Variants in CNTN3 observed in about 807,000 individuals in gnomAD.
CNTN3 encodes contactin-3.
A neutral mutation model predicts 119.1 loss-of-function variants in CNTN3; 60 were observed. The ratio of observed to expected loss-of-function variants is 0.50; its 90% CI spans 0.41 to 0.62. CNTN3 has a LOEUF of 0.62. Ranked by LOEUF, CNTN3 falls within the 20% of genes least tolerant of loss-of-function variation. CNTN3 has a pLI of 0.00. For missense variants in CNTN3, 1,101 were observed against 1,242.4 expected (o/e 0.89, Z 1.71); for synonymous variants, 450 against 438.7 (o/e 1.03, Z -0.32).
At chr3:74,353,103 G>C (rs1343282339) in intron 11 of CNTN3, among the ~76,000 whole-genome samples, 3 of 152,080 alleles carry the variant, frequency 2.0e-5, no homozygotes, top group Non-Finnish European at 4.4e-5. Context: ...GATGGAGAGA[G>C]ACACATTCCT....
chr3:74,596,954 A>G (rs1218599068), intron 1 of CNTN3, among the ~76,000 whole-genome samples: 1 of 152,100 alleles, frequency 6.6e-6, no homozygotes, highest in Non-Finnish European at 1.5e-5. Flanking sequence ...GTTACCTTCC[A>G]GTGAAGTATG....
chr3:74,524,869 G>A (rs1453691182), intron 1 of CNTN3, among the ~76,000 whole-genome samples: 1 of 151,774 alleles, frequency 6.6e-6, no homozygotes, highest in East Asian at 2.0e-4. Flanking sequence ...AAGGCCCTGT[G>A]GCTTAGGTGC....
At chr3:74,346,387 A>ATT (rs1467530581) in intron 11 of CNTN3, among the ~76,000 whole-genome samples, 2 of 151,876 alleles carry the variant, frequency 1.3e-5, no homozygotes, top group East Asian at 1.9e-4. Context: ...TTCCTTCTCA[A>ATT]TTATATATAT....
intron 1 of CNTN3, among the ~76,000 whole-genome samples, chr3:74,577,704 T>C (rs935609974): frequency 2.0e-5 from 3 of 152,106 alleles, no homozygotes; most frequent in African/African-American, 7.2e-5. Flanking sequence ...AAAATAATCA[T>C]GATAATATGG....
intron 1 of CNTN3, among the ~76,000 whole-genome samples, chr3:74,605,009 T>C (rs1704968077): frequency 6.6e-6 from 1 of 152,166 alleles, no homozygotes. Flanking sequence ...TGGATGAATT[T>C]GAAGGACATT....
chr3:74,508,053 A>G (rs1703296528), intron 2 of CNTN3, among the ~76,000 whole-genome samples: 1 of 152,190 alleles, frequency 6.6e-6, no homozygotes, highest in South Asian at 2.1e-4. Flanking sequence ...AGGATAACTG[A>G]TATGAGTAGG....
rs149209060 is a variant in CNTN3, at chr3:74,530,652, G to A, written c.-80-9460C>T. ...ATGTTAGGGGCACAGAATACATGACGTTTCCTGTGCGCCAGACACACAGGG... is the reference window on the plus strand; with the variant it reads ...ATGTTAGGGGCACAGAATACATGACATTTCCTGTGCGCCAGACACACAGGG... On this transcript the variant is annotated intron_variant, in intron 1 of 22. Coordinates refer to ENST00000263665, the MANE Select transcript of CNTN3 (RefSeq NM_020872.3). Among the ~76,000 whole-genome samples the A allele has an allele frequency of 3.6e-4, 55 of 152,020 alleles. 1 individual carries two copies. Among genetic ancestry groups the A allele is most frequent in the African/African-American group, 9.6e-4 (40 of 41,532 alleles).
At chr3:74,304,657 T>C (rs1167386982) in intron 13 of CNTN3, among the ~76,000 whole-genome samples, 3 of 152,320 alleles carry the variant, frequency 2.0e-5, no homozygotes, top group African/African-American at 4.8e-5. Flanking sequence ...TGGTGGACTT[T>C]TGACTTCTGT....
chr3:74,570,876 G>C (rs967993880), intron 1 of CNTN3, among the ~76,000 whole-genome samples: 1 of 152,158 alleles, frequency 6.6e-6, no homozygotes, highest in African/African-American at 2.4e-5. Context: ...TTTGACTGTA[G>C]AATTTAATTC....
chr3:74,294,177 A>G (rs1702288635), intron 19 of CNTN3, among the ~76,000 whole-genome samples: 1 of 152,158 alleles, frequency 6.6e-6, no homozygotes, highest in Non-Finnish European at 1.5e-5. Context: ...GGGAAGCTTC[A>G]TAAGAAGACA....
intron 5 of CNTN3, among the ~76,000 whole-genome samples, chr3:74,397,667 AAC>A (rs1471505914): frequency 6.6e-6 from 1 of 152,174 alleles, no homozygotes; most frequent in Non-Finnish European, 1.5e-5. Context: ...ATATTTAAGA[AAC>A]ACATTTTTCA....
intron 11 of CNTN3, among the ~76,000 whole-genome samples, chr3:74,348,913 C>T (rs997398987): frequency 6.6e-6 from 1 of 151,706 alleles, no homozygotes; most frequent in South Asian, 2.1e-4. Context: ...GAGACCCCAT[C>T]TCTATAAAAA....
intron 1 of CNTN3, among the ~76,000 whole-genome samples, chr3:74,525,788 C>A (rs1446128914): frequency 6.6e-6 from 1 of 151,794 alleles, no homozygotes; most frequent in Non-Finnish European, 1.5e-5. Flanking sequence ...AAATGCTAGA[C>A]CTTGGACTCA....
intron 1 of CNTN3, among the ~76,000 whole-genome samples, chr3:74,587,415 A>C (rs1347112119): frequency 1.3e-5 from 2 of 151,964 alleles, no homozygotes. Context: ...ACAACTTATC[A>C]TGTTCCCTTT....
chr3:74,455,418 A>G (rs1313244321), intron 4 of CNTN3, among the ~76,000 whole-genome samples: 1 of 151,802 alleles, frequency 6.6e-6, no homozygotes, highest in Non-Finnish European at 1.5e-5. Flanking sequence ...ATTTTTTTCA[A>G]AGTTTTTAAC....
intron 1 of CNTN3, among the ~76,000 whole-genome samples, chr3:74,604,577 C>T (rs1274448955): frequency 1.3e-5 from 2 of 152,116 alleles, no homozygotes; most frequent in Non-Finnish European, 2.9e-5. Flanking sequence ...CCTCACCAAT[C>T]ATCCAAGAAA....
intron 2 of CNTN3, among the ~76,000 whole-genome samples, chr3:74,512,787 T>A (rs1338485078): frequency 6.6e-6 from 1 of 150,680 alleles, no homozygotes; most frequent in Non-Finnish European, 1.5e-5. Flanking sequence ...AAAAAATAGA[T>A]GTTCACTCAG....
chr3:74,274,022 C>A (rs1036196324), intron 20 of CNTN3, among the ~76,000 whole-genome samples: 3 of 152,016 alleles, frequency 2.0e-5, no homozygotes, highest in African/African-American at 7.2e-5. Flanking sequence ...CTGAGTAAGG[C>A]CTGTGACTGC....
At chr3:74,598,928 C>T (rs565813577) in intron 1 of CNTN3, among the ~76,000 whole-genome samples, 19 of 151,878 alleles carry the variant, frequency 1.3e-4, no homozygotes, top group Non-Finnish European at 2.1e-4. Context: ...GCTATCATAA[C>T]AAAGAGTTAA....
Sources: allele counts gnomAD v4.1 joint callset (sites outside exome capture counted in the v4.1 genomes callset), GRCh38; gene constraint gnomAD v4.1.1; transcripts MANE v1.5; gene names NCBI Gene and HGNC (gene_info 2026-07-23, HGNC 2026-07-21).